KLHL14: variants seen among roughly 807,000 people sequenced by gnomAD.
The protein encoded by KLHL14 is kelch-like protein 14.
KLHL14 carries 22 observed loss-of-function variants against 64.3 expected under a neutral mutation model. The ratio of observed to expected loss-of-function variants is 0.34; its 90% CI spans 0.24 to 0.49. KLHL14 has a LOEUF of 0.49. Among genes scored for constraint, KLHL14 ranks in the 20% least tolerant of loss-of-function variants. The pLI is 0.99. For missense variants in KLHL14, 661 were observed against 789.0 expected (o/e 0.84, Z 1.94); for synonymous variants, 322 against 333.4 (o/e 0.97, Z 0.37).
rs760510683 is a variant in KLHL14, at chr18:32,680,157, C to CA, written c.1588+11dup. 2.0e-5 allele frequency: 32 copies of CA among 1,609,414 alleles called. No individual in the cohort carries two copies. Among genetic ancestry groups the CA allele is most frequent in the African/African-American group, 1.7e-4 (13 of 74,624 alleles). On this transcript the variant is annotated intron_variant, in intron 7 of 8. Transcript: ENST00000359358. This position sits in a 1 kb window ranked among gnomAD's most constrained non-coding sequence, Gnocchi z 4.8. Reference sequence around the variant, plus strand: ...TTATTGTGACTAAAAAACAAAACAACAAAAAAAAGACCTTTCAAATGATTT... The same window carrying CA: ...TTATTGTGACTAAAAAACAAAACAACAAAAAAAAAGACCTTTCAAATGATTT...
intron 4 of KLHL14, among the ~76,000 whole-genome samples, chr18:32,690,314 A>C (rs55742357): frequency 0.025 from 3,865 of 152,224 alleles, 162 homozygotes; most frequent in African/African-American, 0.088. Flanking sequence ...AGGGATTGAG[A>C]ATGGCAATAA....
chr18:32,739,048 T>C (rs1217074940), intron 3 of KLHL14, among the ~76,000 whole-genome samples: 2 of 152,120 alleles, frequency 1.3e-5, no homozygotes, highest in African/African-American at 2.4e-5. Flanking sequence ...TCAACATAAG[T>C]GGGCAAAGTA....
chr18:32,677,513 ACT>A (rs2049817528), intron 7 of KLHL14, among the ~76,000 whole-genome samples, 183 bp from the exon 8 acceptor site: 1 of 152,074 alleles, frequency 6.6e-6, no homozygotes, highest in Admixed American at 6.6e-5. Flanking sequence ...CCCCAAAGAA[ACT>A]CTAGTTGTTT....
At chr18:32,754,014 G>A (rs1006161695) in intron 2 of KLHL14, among the ~76,000 whole-genome samples, 5 of 152,220 alleles carry the variant, frequency 3.3e-5, no homozygotes, top group Admixed American at 2.6e-4. Context: ...GGGATGCAGG[G>A]TCCTGCTGCT....
At chr18:32,694,464 A>G (rs1390243858) in intron 4 of KLHL14, among the ~76,000 whole-genome samples, 1 of 152,226 alleles carries the variant, frequency 6.6e-6, no homozygotes, top group African/African-American at 2.4e-5. Context: ...AAGCCCAGGA[A>G]CCATCTTCTT....
In KLHL14 at chr18:32,687,353, G is replaced by A. The variant is rs995073261; in HGVS notation, c.1160-120C>T. The A allele has an allele frequency of 1.1e-5, 9 of 806,988 alleles. No individual in the cohort carries two copies. The Admixed American group carries it at 1.6e-4, about 14-fold the overall frequency. The allele number at this position is 806,988 out of a possible 1,614,324, so 50.0% of individuals were successfully genotyped here. A position where few individuals can be genotyped will look rare whatever the true frequency, so the allele number is the denominator to read the frequency against. ...AACAAATAGATGAATTAAGTAGAGG[G>A]AATACCTAACACAGCACGGGCGATG... On this transcript the variant is annotated intron_variant, in intron 4 of 8. Transcript: ENST00000359358.
chr18:32,682,999 G>T (rs1386974219), intron 5 of KLHL14, among the ~76,000 whole-genome samples: 1 of 152,134 alleles, frequency 6.6e-6, no homozygotes, highest in Non-Finnish European at 1.5e-5. Context: ...TAGTCTAGAA[G>T]AAAAGATGCC....
chr18:32,730,918 G>A (rs911071571), intron 3 of KLHL14, among the ~76,000 whole-genome samples: 4 of 152,186 alleles, frequency 2.6e-5, no homozygotes, highest in South Asian at 2.1e-4. Context: ...TGTGAGAAGC[G>A]GTCGTCTGCC....
chr18:32,715,587 G>T lies in KLHL14; in HGVS notation c.1070-20035C>A, dbSNP rs79422600. Among the ~76,000 whole-genome samples, 1,516 of 151,920 alleles carry T rather than the reference G, an allele frequency of 1.0e-2. 22 individuals are homozygous for T. The highest frequency in any genetic ancestry group is 0.035 in the African/African-American group (1,439 of 41,390). On this transcript the variant is annotated intron_variant, in intron 3 of 8. Coordinates refer to ENST00000359358, the MANE Select transcript of KLHL14 (RefSeq NM_020805.3). ...TATATAATAAATTGTTTTAAGTTAG[G>T]AGCAAACATTTTAATGACAACGTTG...
At chr18:32,752,904 ACTT>A (rs2050263284) in intron 2 of KLHL14, among the ~76,000 whole-genome samples, 1 of 148,876 alleles carries the variant, frequency 6.7e-6, no homozygotes, top group African/African-American at 2.5e-5. Flanking sequence ...AGCTATCAGA[ACTT>A]CTCAGGGATT....
intron 2 of KLHL14, among the ~76,000 whole-genome samples, chr18:32,755,659 A>C (rs781113635): frequency 1.2e-4 from 18 of 152,236 alleles, no homozygotes; most frequent in Non-Finnish European, 2.1e-4. Context: ...TGATTTTCAA[A>C]ATGTGGTCCA....
chr18:32,756,588 C>A (rs551191625), intron 2 of KLHL14, among the ~76,000 whole-genome samples: 10 of 152,266 alleles, frequency 6.6e-5, no homozygotes, highest in Non-Finnish European at 1.5e-4. Context: ...TGTCCCTTTT[C>A]CTGGGATAGA....
In KLHL14 at chr18:32,716,087, T is replaced by C. The variant is rs941550810; in HGVS notation, c.1070-20535A>G. Among the ~76,000 whole-genome samples the C allele has an allele frequency of 7.9e-5, 12 of 152,320 alleles. No homozygotes were observed. The South Asian group carries it at 2.1e-3, about 26-fold the overall frequency. On this transcript the variant is annotated intron_variant, in intron 3 of 8. Coordinates refer to ENST00000359358, the MANE Select transcript of KLHL14 (RefSeq NM_020805.3). ...CATCTGACATTTAGAAGTCATTTTA[T>C]GGGAAAAATTTTTATTAACTGAGAA...
At chr18:32,695,336 A>T in intron 4 of KLHL14, 127 bp downstream of exon 4, 1 of 673,270 alleles carries the variant, frequency 1.5e-6, no homozygotes, top group Non-Finnish European at 2.7e-6. Flanking sequence ...CCATCTCCTT[A>T]CTACTTCATT....
chr18:32,766,080 A>T (rs2050342043), intron 2 of KLHL14, among the ~76,000 whole-genome samples: 2 of 152,078 alleles, frequency 1.3e-5, no homozygotes, highest in African/African-American at 4.8e-5. Flanking sequence ...AATGTAGATT[A>T]ATGTATTGAT....
intron 2 of KLHL14, among the ~76,000 whole-genome samples, chr18:32,753,502 T>C (rs1175599188): frequency 6.6e-6 from 1 of 152,166 alleles, no homozygotes; most frequent in Non-Finnish European, 1.5e-5. Flanking sequence ...GTTACGGTAG[T>C]TGGCTTATGC....
At chr18:32,732,149 G>A (rs999254976) in intron 3 of KLHL14, among the ~76,000 whole-genome samples, 15 of 152,274 alleles carry the variant, frequency 9.9e-5, no homozygotes, top group African/African-American at 3.6e-4. Flanking sequence ...GCTTGAACCC[G>A]GGAGGTGGAG....
intron 3 of KLHL14, among the ~76,000 whole-genome samples, chr18:32,702,559 T>C (rs994106431): frequency 1.3e-5 from 2 of 151,854 alleles, no homozygotes; most frequent in African/African-American, 4.8e-5. Flanking sequence ...TTGATAGATA[T>C]TATTGAATAA....
chr18:32,751,133 G>A (rs1028772611), intron 2 of KLHL14, among the ~76,000 whole-genome samples: 1 of 152,190 alleles, frequency 6.6e-6, no homozygotes. Flanking sequence ...TCTACTCCAA[G>A]TAATTGGCCT....
Sources: allele counts gnomAD v4.1 joint callset (sites outside exome capture counted in the v4.1 genomes callset), GRCh38; gene constraint gnomAD v4.1.1; non-coding constraint Gnocchi (gnomAD v3.1); transcripts MANE v1.5; gene names NCBI Gene and HGNC (gene_info 2026-07-23, HGNC 2026-07-21).